The following KMT2B variants were observed in gnomAD, a reference collection of about 807,000 sequenced individuals.
KMT2B encodes lysine methyltransferase 2B.
KMT2B carries 22 observed loss-of-function variants against 255.3 expected under a neutral mutation model. The observed-to-expected ratio is 0.09, with a 90% CI of 0.06 to 0.12. The LOEUF (loss-of-function observed/expected upper bound fraction) is 0.12. KMT2B is among the 10% of genes least tolerant of loss of function. The pLI is 1.00. For synonymous variants in KMT2B, 1,730 were observed against 1,498.1 expected (o/e 1.15, Z -3.57); for missense variants, 3,149 against 3,737.0 (o/e 0.84, Z 4.10).
At chr19:35,728,213 G>T in intron 19 of KMT2B, 42 bp downstream of exon 19, 2 of 1,534,822 alleles carry the variant, frequency 1.3e-6, no homozygotes, top group Non-Finnish European at 8.8e-7. Flanking sequence ...GGGGAGTGAG[G>T]GCAAGGCCAG....
Position 35,732,925 on chromosome 19 carries a change from G to A in KMT2B, c.6376G>A (p.Asp2126Asn). 1 of 1,608,790 alleles carries A rather than the reference G, an allele frequency of 6.2e-7. No individual in the cohort carries two copies. Among genetic ancestry groups the A allele is most frequent in the Non-Finnish European group, 8.5e-7 (1 of 1,178,220 alleles). ...FVLKNLGGPG[D>N]GGAGPREESL... ...GTTGAAGAACCTAGGGGGTCCTGGG[G>A]ATGGAGGTGCTGGCCCTAGAGAGGA... Residue 2126 changes from aspartate (D) to asparagine (N), a missense_variant, in exon 28 of 37, where the codon GAT becomes AAT. By Grantham distance (23) the Asp-to-Asn change is conservative. Coordinates refer to ENST00000420124, the MANE Select transcript of KMT2B (RefSeq NM_014727.3).
At chr19:35,730,893 C>T (rs1969664185) in intron 26 of KMT2B, 26 bp downstream of exon 26, 1 of 1,563,648 alleles carries the variant, frequency 6.4e-7, no homozygotes, top group African/African-American at 1.4e-5. Flanking sequence ...TGTCTTCTTC[C>T]TGAATACCGC....
Position 35,720,012 on chromosome 19 carries a change from G to A in KMT2B, c.665G>A (p.Arg222Gln), listed in dbSNP as rs749729184. ...EPSTPRRSRG[R>Q]PPGRPAGPCR... ...TCCACCCCCCGGCGGTCTCGGGGACGGCCCCCAGGACGGCCAGCAGGCCCC... is the reference window on the plus strand; with the variant it reads ...TCCACCCCCCGGCGGTCTCGGGGACAGCCCCCAGGACGGCCAGCAGGCCCC... Residue 222 changes from arginine (R) to glutamine (Q), a missense_variant, in exon 3 of 37, where the codon CGG (arginine) becomes CAG (glutamine). This residue lies in a region of KMT2B where 1,188 missense variants were observed against 1,106.4 expected (regional missense o/e 1.07). Coordinates refer to ENST00000420124, the MANE Select transcript of KMT2B (RefSeq NM_014727.3). 9.9e-6 allele frequency: 16 copies of A among 1,612,678 alleles called. No homozygotes were observed. The highest frequency in any genetic ancestry group is 5.0e-5 in the Admixed American group (3 of 59,864).
Position 35,737,693 on chromosome 19 carries a change from G to T in KMT2B, c.7608G>T (p.Glu2536Asp). 2 of 1,583,966 alleles carry T rather than the reference G, an allele frequency of 1.3e-6. No homozygotes were observed. Among genetic ancestry groups the T allele is most frequent in the East Asian group, 2.3e-5 (1 of 43,542 alleles). Residue 2536 changes from glutamate (E) to aspartate (D), a missense_variant, in exon 34 of 37, where the codon GAG (glutamate) becomes GAT (aspartate). Glu to Asp is a conservative substitution (Grantham distance 45). This residue lies in a region of KMT2B where 103 missense variants were observed against 200.7 expected (regional missense o/e 0.51). Transcript: ENST00000420124. The surrounding 1 kb of genome is among the most constrained non-coding windows in gnomAD (Gnocchi z 5.3). ...FLASQHRVLPEGATCDEEEDE... is the reference protein window; with the variant it reads ...FLASQHRVLPDGATCDEEEDE... ...CCTCCCAGCACCGGGTGCTCCCTGA[G>T]GGGGCCACCTGTGATGAGGAAGAGG... is the stretch of plus-strand genomic sequence containing the variant.
intron 22 of KMT2B, 98 bp downstream of exon 22, chr19:35,729,394 C>T (rs974826508): frequency 6.9e-7 from 1 of 1,445,412 alleles, no homozygotes; most frequent in African/African-American, 1.4e-5. Flanking sequence ...TACCTGGCAT[C>T]CTTTCACTGC....
chr19:35,723,656 C>A lies in KMT2B; in HGVS notation c.3059-76C>A. The A allele has an allele frequency of 7.2e-7, 1 of 1,381,472 alleles. No individual in the cohort carries two copies. Among genetic ancestry groups the A allele is most frequent in the Non-Finnish European group, 9.8e-7 (1 of 1,021,106 alleles). 85.6% of individuals were successfully genotyped at this position (1,381,472 alleles called of 1,614,324 possible). ...GCTCCTGCGTTCATTCCCTGCCCCG[C>A]TTCTTTCTGGCTTCTCTCCCAGTGT... On this transcript the variant is annotated intron_variant, in intron 7 of 36. Transcript: ENST00000420124. This position sits in a 1 kb window ranked among gnomAD's most constrained non-coding sequence, Gnocchi z 7.5.
rs114259956 is a variant in KMT2B at position 35,728,340 on chromosome 19, A to G, written c.4571+169A>G. Among the ~76,000 whole-genome samples, 2,546 of 152,234 alleles carry G rather than the reference A, an allele frequency of 0.017. 84 individuals are homozygous for G. The highest frequency in any genetic ancestry group is 0.057 in the African/African-American group (2,375 of 41,530). On this transcript the variant is annotated intron_variant, in intron 19 of 36. Transcript: ENST00000420124. ...ATTCCCTGGTGGTTCTAGACTAGCAAAGCTTTGTTTCTGCTTTGTGCAGGG... is the reference window on the plus strand; with the variant it reads ...ATTCCCTGGTGGTTCTAGACTAGCAGAGCTTTGTTTCTGCTTTGTGCAGGG...
At chr19:35,728,731 G>T (rs1469214811) in intron 19 of KMT2B, 43 bp from the exon 20 acceptor site, 10 of 1,519,198 alleles carry the variant, frequency 6.6e-6, no homozygotes, top group Non-Finnish European at 9.1e-6. Flanking sequence ...CCGTTCAGCT[G>T]CCCTTGTTGG....
At position 35,732,591 on chromosome 19, in the gene KMT2B, G is replaced by T. The variant is rs757020568; in HGVS notation, c.6042G>T (p.Gly2014=). The change falls in exon 28 of 37, where the codon GGG becomes GGT. Residue 2014 remains glycine, a synonymous_variant. Coordinates refer to ENST00000420124, the MANE Select transcript of KMT2B (RefSeq NM_014727.3). ...QEEIVAAGAM[G]SSHGGPGDSS... Reference sequence around the variant, plus strand: ...AGATTGTAGCCGCTGGGGCCATGGGGAGCAGCCACGGGGGCCCGGGGGACA... The same window carrying T: ...AGATTGTAGCCGCTGGGGCCATGGGTAGCAGCCACGGGGGCCCGGGGGACA... 2 of 1,613,250 alleles carry T rather than the reference G, an allele frequency of 1.2e-6. No homozygotes were observed. Among genetic ancestry groups the T allele is most frequent in the Admixed American group, 3.3e-5 (2 of 59,994 alleles).
Position 35,733,938 on chromosome 19 carries a change from C to T in KMT2B, c.7159+66C>T. The T allele has an allele frequency of 8.8e-7, 1 of 1,139,914 alleles. No individual in the cohort carries two copies. The highest frequency in any genetic ancestry group is 1.3e-6 in the Non-Finnish European group (1 of 768,568). The allele number at this position is 1,139,914 out of a possible 1,614,324, so 70.6% of individuals were successfully genotyped here. ...GGCTCAGCTGGGTGACTCACAGATG[C>T]AAAATCAGCCCTCTTTCAAAACCAG... is the stretch of plus-strand genomic sequence containing the variant. On this transcript the variant is annotated intron_variant, in intron 30 of 36. Transcript: ENST00000420124. This position sits in a 1 kb window ranked among gnomAD's most constrained non-coding sequence, Gnocchi z 4.3.
chr19:35,722,616 C>T lies in KMT2B; in HGVS notation c.2620C>T (p.His874Tyr). 1 of 1,612,328 alleles carries T rather than the reference C, an allele frequency of 6.2e-7. No individual in the cohort carries two copies. Among genetic ancestry groups the T allele is most frequent in the Non-Finnish European group, 8.5e-7 (1 of 1,179,404 alleles). ...QGPRIKHVCR[H>Y]AAVALGQARA... ...TCCCCGCATCAAACATGTCTGCCGT[C>T]ATGCTGCTGTGGCCCTGGGTCAGGC... Residue 874 changes from histidine (H) to tyrosine (Y), a missense_variant, in exon 5 of 37, where the codon CAT (histidine) becomes TAT (tyrosine). This residue lies in a region of KMT2B where 132 missense variants were observed against 174.7 expected (regional missense o/e 0.76). Coordinates refer to ENST00000420124, the MANE Select transcript of KMT2B (RefSeq NM_014727.3).
At chr19:35,726,161 C>T in intron 13 of KMT2B, 75 bp from the exon 14 acceptor site, 1 of 1,118,298 alleles carries the variant, frequency 8.9e-7, no homozygotes, top group Non-Finnish European at 1.3e-6. Flanking sequence ...TCCCCAATTC[C>T]TCCTCGCCCG....
At position 35,732,099 on chromosome 19, in the gene KMT2B, T is replaced by C. The variant is rs376078242; in HGVS notation, c.5629T>C (p.Leu1877=). The C allele has an allele frequency of 1.4e-5, 23 of 1,603,680 alleles. No homozygotes were observed. Among genetic ancestry groups the C allele is most frequent in the Middle Eastern group, 1.6e-4 (1 of 6,072 alleles). ...CAACTACTCGCCATCCCGGAGGCCC[T>C]TGGGGGGTGTCTCCTTTGGCCCCCT... ...VPNYSPSRRP[L]GGVSFGPLPS... Residue 1877 remains leucine (L), a synonymous_variant, in exon 27 of 37, where the codon TTG becomes CTG. Coordinates refer to ENST00000420124, the MANE Select transcript of KMT2B (RefSeq NM_014727.3).
chr19:35,721,879 C>T, intron 3 of KMT2B, 75 bp downstream of exon 3: 2 of 1,448,364 alleles, frequency 1.4e-6, no homozygotes, highest in Non-Finnish European at 9.1e-7. Flanking sequence ...TAACCTTCCG[C>T]CTCCTTGGAC....
In KMT2B at chr19:35,732,440, C is replaced by A; in HGVS notation, c.5891C>A (p.Ala1964Asp). The A allele has an allele frequency of 6.2e-7, 1 of 1,613,814 alleles. No homozygotes were observed. ...GGGGAGCTGGCTCCCCCTGGCCCGG[C>A]CCCATCTCCACCACCCCCTGAAGAC... ...TSGELAPPGPAPSPPPPEDLG... is the reference protein window; with the variant it reads ...TSGELAPPGPDPSPPPPEDLG... The change falls in exon 28 of 37, where the codon GCC becomes GAC. Residue 1964 changes from alanine to aspartate, a missense_variant. By Grantham distance (126) the Ala-to-Asp change is moderately radical. This residue lies in a region of KMT2B where 897 missense variants were observed against 825.3 expected (regional missense o/e 1.09). Coordinates refer to ENST00000420124, the MANE Select transcript of KMT2B (RefSeq NM_014727.3).
At chr19:35,724,331 T>C (rs1387230866) in intron 8 of KMT2B, among the ~76,000 whole-genome samples, 1 of 152,094 alleles carries the variant, frequency 6.6e-6, no homozygotes, top group Admixed American at 6.6e-5. Context: ...TGGGACCCCA[T>C]CCCTATAAAA....
At chr19:35,729,401 C>A in intron 22 of KMT2B, 105 bp downstream of exon 22, 1 of 1,426,542 alleles carries the variant, frequency 7.0e-7, no homozygotes, top group Non-Finnish European at 9.5e-7. Flanking sequence ...CATCCTTTCA[C>A]TGCCAGGCTG....
At position 35,718,301 on chromosome 19, in the gene KMT2B, CGGGGTCGGGGCCGGGGCT is replaced by C; in HGVS notation, c.288_305del (p.Arg97_Gly102del). 2 of 1,232,258 alleles carry C rather than the reference CGGGGTCGGGGCCGGGGCT, an allele frequency of 1.6e-6. No individual in the cohort carries two copies. Among genetic ancestry groups the C allele is most frequent in the Non-Finnish European group, 2.0e-6 (2 of 979,336 alleles). The allele number at this position is 1,232,258 out of a possible 1,614,324, so 76.3% of individuals were successfully genotyped here. The stretch of plus-strand genomic sequence containing the variant: ...CCCGCGGGTCCAGCGGGGCCGGGGA[CGGGGTCGGGGCCGGGGCT>C]GGGGCCCGAGTCGAGGCTGCGTGCC... On this transcript the variant is annotated inframe_deletion, in exon 1 of 37. Coordinates refer to ENST00000420124, the MANE Select transcript of KMT2B (RefSeq NM_014727.3). The surrounding 1 kb of genome is among the most constrained non-coding windows in gnomAD (Gnocchi z 5.0).
chr19:35,726,983 C>CAAAAA, intron 14 of KMT2B, among the ~76,000 whole-genome samples, 173 bp from the exon 15 acceptor site: 1 of 62,856 alleles, frequency 1.6e-5, no homozygotes, highest in Non-Finnish European at 3.4e-5. Context: ...GACACTGTCT[C>CAAAAA]AAAAAAAAAA....
Sources: gnomAD v4.1 joint callset for allele counts (sites outside exome capture counted in the v4.1 genomes callset) on GRCh38, gnomAD v4.1.1 for gene constraint, gnomAD v4.1.1 regional missense constraint, Gnocchi (gnomAD v3.1) non-coding constraint, MANE v1.5 for transcripts, NCBI Gene and HGNC (gene_info 2026-07-23, HGNC 2026-07-21) for gene names.